The following CRPPA variants were observed in gnomAD, a reference collection of about 807,000 sequenced individuals.
The protein encoded by CRPPA is D-ribitol-5-phosphate cytidylyltransferase.
Under a neutral mutation model 52.0 loss-of-function variants are expected in CRPPA, and 43 were observed. That is an observed-to-expected ratio of 0.83 (90% CI 0.65 to 1.07). The LOEUF (loss-of-function observed/expected upper bound fraction) is 1.07, where lower values mean the gene tolerates loss of function less well. Ranked by LOEUF, CRPPA falls within the 50% of genes least tolerant of loss-of-function variation. CRPPA has a pLI of 0.00. For synonymous variants in CRPPA, 250 were observed against 203.5 expected, an observed-to-expected ratio of 1.23 and a Z score of -1.94; for missense variants, 629 against 551.7, an observed-to-expected ratio of 1.14 and a Z score of -1.40.
intron 9 of CRPPA, among the ~76,000 whole-genome samples, chr7:16,204,758 G>C (rs953948721): frequency 2.6e-5 from 4 of 152,168 alleles, no homozygotes; most frequent in African/African-American, 9.7e-5. Flanking sequence ...AAGTAAAACT[G>C]AAAAGTCATA....
At chr7:16,335,154 C>CAAAAAAAAAAAAAAAAAAAAAAAA (rs60632334) in intron 3 of CRPPA, among the ~76,000 whole-genome samples, 1 of 93,802 alleles carries the variant, frequency 1.1e-5, no homozygotes, top group Non-Finnish European at 2.0e-5. Context: ...CCCATCTCTA[C>CAAAAAAAAAAAAAAAAAAAAAAAA]AAAAAAAAAA....
chr7:16,231,500 AT>A (rs1310818393), intron 8 of CRPPA, among the ~76,000 whole-genome samples: 2 of 152,170 alleles, frequency 1.3e-5, no homozygotes, highest in African/African-American at 4.8e-5. Flanking sequence ...CCCATTAAAT[AT>A]TTTTGATCAT....
intron 9 of CRPPA, among the ~76,000 whole-genome samples, chr7:16,208,673 T>C (rs1161919275): frequency 6.6e-6 from 1 of 152,134 alleles, no homozygotes; most frequent in Non-Finnish European, 1.5e-5. Context: ...CTTTGGCTAA[T>C]TCATCTTAAA....
chr7:16,400,336 A>T (rs1017868521), intron 2 of CRPPA, among the ~76,000 whole-genome samples: 4 of 152,196 alleles, frequency 2.6e-5, no homozygotes, highest in African/African-American at 9.6e-5. Flanking sequence ...CCTGATAGAC[A>T]CGTGATTGAC....
At chr7:16,344,873 T>G (rs533147789) in intron 3 of CRPPA, among the ~76,000 whole-genome samples, 1 of 147,676 alleles carries the variant, frequency 6.8e-6, no homozygotes, top group Non-Finnish European at 1.5e-5. Flanking sequence ...TAATGAAGCA[T>G]GCCAAAATAA....
At chr7:16,169,416 T>A (rs899285868) in intron 9 of CRPPA, among the ~76,000 whole-genome samples, 13 of 152,204 alleles carry the variant, frequency 8.5e-5, no homozygotes, top group African/African-American at 2.9e-4. Flanking sequence ...AATTAAACAT[T>A]GCTAATCATA....
At chr7:16,367,514 C>T (rs192516464) in intron 3 of CRPPA, among the ~76,000 whole-genome samples, 2 of 151,582 alleles carry the variant, frequency 1.3e-5, no homozygotes, top group Admixed American at 6.6e-5. Flanking sequence ...GTTGACAGTA[C>T]GAGATACAAG....
chr7:16,233,377 G>A (rs1229391271), intron 8 of CRPPA, among the ~76,000 whole-genome samples: 1 of 152,090 alleles, frequency 6.6e-6, no homozygotes, highest in African/African-American at 2.4e-5. Flanking sequence ...GCAAAGAAAG[G>A]AGGAAGACAC....
intron 9 of CRPPA, among the ~76,000 whole-genome samples, chr7:16,106,763 G>C (rs1782160841): frequency 6.6e-6 from 1 of 152,032 alleles, no homozygotes; most frequent in African/African-American, 2.4e-5. Context: ...ACCTCTAAAA[G>C]AAAGTAATAA....
intron 8 of CRPPA, among the ~76,000 whole-genome samples, chr7:16,245,047 TAA>T (rs35768406): frequency 3.6e-4 from 51 of 142,340 alleles, no homozygotes; most frequent in Admixed American, 7.0e-4. Flanking sequence ...GTCTTACATT[TAA>T]AAAAAAAAAA....
rs566615674 is a variant in CRPPA at position 16,391,864 on chromosome 7, A to G, written c.534+14197T>C. Among the ~76,000 whole-genome samples the G allele has an allele frequency of 2.0e-5, 3 of 152,306 alleles. No homozygotes were observed. The South Asian group carries it at 6.2e-4, about 32-fold the overall frequency. ...GTCTTAGAGATACTGATTAGGCCAC[A>G]CAAAGAAGTCAAAGTGTCACTAGGT... On this transcript the variant is annotated intron_variant, in intron 2 of 9. Transcript: ENST00000407010.
At chr7:16,324,028 G>C (rs1280617163) in intron 3 of CRPPA, among the ~76,000 whole-genome samples, 1 of 152,216 alleles carries the variant, frequency 6.6e-6, no homozygotes, top group African/African-American at 2.4e-5. Context: ...AAGCAGAGAA[G>C]ATGTCCATGC....
chr7:16,342,780 A>ATAT lies in CRPPA; in HGVS notation c.684+33311_684+33312insATA, dbSNP rs1411010907. Among the ~76,000 whole-genome samples the ATAT allele has an allele frequency of 2.2e-4, 14 of 63,796 alleles. 1 individual carries two copies. The highest frequency in any genetic ancestry group is 1.3e-3 in the South Asian group (4 of 3,040). 41.9% of individuals were successfully genotyped at this position (63,796 alleles called of 152,430 possible). On this transcript the variant is annotated intron_variant, in intron 3 of 9. Coordinates refer to ENST00000407010, the MANE Select transcript of CRPPA (RefSeq NM_001101426.4). The stretch of plus-strand genomic sequence containing the variant: ...TGTCTCCACAAAAAAAAAAAAAAAA[A>ATAT]AAATATATATATATATATCTATATA...
chr7:16,256,193 C>T (rs1007031845), intron 8 of CRPPA, among the ~76,000 whole-genome samples: 1 of 152,118 alleles, frequency 6.6e-6, no homozygotes, highest in Non-Finnish European at 1.5e-5. Flanking sequence ...TGAAAACATG[C>T]TCATCATCAC....
chr7:16,342,806 G>GATATATAT (rs1785903843), intron 3 of CRPPA, among the ~76,000 whole-genome samples: 4 of 101,846 alleles, frequency 3.9e-5, no homozygotes, highest in African/African-American at 7.4e-5. Flanking sequence ...TATCTATATA[G>GATATATAT]ATATATAGAT....
At chr7:16,168,576 CA>C (rs1781115497) in intron 9 of CRPPA, among the ~76,000 whole-genome samples, 3 of 136,732 alleles carry the variant, frequency 2.2e-5, no homozygotes, top group Admixed American at 7.4e-5. Context: ...CACACACACA[CA>C]CCATTAACAT....
chr7:16,299,143 T>TAA (rs1784736123), intron 5 of CRPPA, among the ~76,000 whole-genome samples: 1 of 152,202 alleles, frequency 6.6e-6, no homozygotes, highest in Non-Finnish European at 1.5e-5. Context: ...TGCCTACAGG[T>TAA]AAATATACAG....
intron 8 of CRPPA, among the ~76,000 whole-genome samples, chr7:16,233,700 C>T (rs1718651207): frequency 6.6e-6 from 1 of 152,160 alleles, no homozygotes. Context: ...ATCTGTTTGG[C>T]ACATGCTTTC....
chr7:16,249,662 C>G (rs1783386143), intron 8 of CRPPA, among the ~76,000 whole-genome samples: 1 of 152,152 alleles, frequency 6.6e-6, no homozygotes. Context: ...GGAAAACTAA[C>G]AAACAGAAAG....
Sources: allele counts gnomAD v4.1 joint callset (sites outside exome capture counted in the v4.1 genomes callset), GRCh38; gene constraint gnomAD v4.1.1; transcripts MANE v1.5; gene names NCBI Gene and HGNC (gene_info 2026-07-23, HGNC 2026-07-21).